The following NBEA variants were observed in gnomAD, a reference collection of about 807,000 sequenced individuals.
The protein encoded by NBEA is lysosomal-trafficking regulator 2.
In NBEA, 44 loss-of-function variants were observed where a neutral mutation model predicts 343.4. That is an observed-to-expected ratio of 0.13 (90% CI 0.10 to 0.16). NBEA has a LOEUF of 0.16. NBEA is among the 10% of genes least tolerant of loss of function. NBEA has a pLI of 1.00. For missense variants in NBEA, 2,555 were observed against 3,631.3 expected (o/e 0.70, Z 7.62); for synonymous variants, 1,175 against 1,238.7 (o/e 0.95, Z 1.08).
At chr13:35,402,642 G>A (rs570676574) in intron 38 of NBEA, among the ~76,000 whole-genome samples, 1 of 152,124 alleles carries the variant, frequency 6.6e-6, no homozygotes, top group Non-Finnish European at 1.5e-5. Flanking sequence ...TAAATAGGAA[G>A]TTAATTGTAA....
At chr13:35,570,072 C>T (rs377613693) in intron 45 of NBEA, among the ~76,000 whole-genome samples, 31 of 152,318 alleles carry the variant, frequency 2.0e-4, no homozygotes, top group African/African-American at 3.8e-4. Context: ...CTCGCTCTGT[C>T]GCCCAGGCTG....
intron 48 of NBEA, among the ~76,000 whole-genome samples, chr13:35,626,323 A>G (rs762237386): frequency 2.0e-5 from 3 of 152,206 alleles, no homozygotes; most frequent in Non-Finnish European, 2.9e-5. Flanking sequence ...ATAAAAGAGA[A>G]AAAACACATT....
intron 20 of NBEA, among the ~76,000 whole-genome samples, chr13:35,156,786 A>G (rs1186636196): frequency 6.6e-6 from 1 of 152,164 alleles, no homozygotes; most frequent in Non-Finnish European, 1.5e-5. Context: ...TTAATGTATA[A>G]TGTGTTAAGT....
chr13:35,398,467 C>T (rs2042847239), intron 38 of NBEA, among the ~76,000 whole-genome samples: 1 of 152,062 alleles, frequency 6.6e-6, no homozygotes, highest in South Asian at 2.1e-4. Context: ...AAATGTGTTT[C>T]TTAAATAACA....
At chr13:35,579,297 A>G (rs914848544) in intron 45 of NBEA, among the ~76,000 whole-genome samples, 5 of 152,162 alleles carry the variant, frequency 3.3e-5, no homozygotes, top group African/African-American at 1.2e-4. Context: ...GTTTAAATCA[A>G]TAACTCTGTG....
At chr13:35,480,200 C>G (rs1013869602) in intron 41 of NBEA, among the ~76,000 whole-genome samples, 4 of 151,984 alleles carry the variant, frequency 2.6e-5, no homozygotes, top group Non-Finnish European at 5.9e-5. Flanking sequence ...AACTTTGCCT[C>G]AAGTAGTATT....
intron 33 of NBEA, among the ~76,000 whole-genome samples, chr13:35,216,235 C>G (rs946562728): frequency 6.6e-6 from 1 of 151,262 alleles, no homozygotes; most frequent in Non-Finnish European, 1.5e-5. Context: ...TTGCTTTTTT[C>G]TTCCCATATC....
intron 37 of NBEA, among the ~76,000 whole-genome samples, chr13:35,351,575 A>G (rs2040203168): frequency 6.6e-6 from 1 of 151,968 alleles, no homozygotes; most frequent in South Asian, 2.1e-4. Context: ...ATTACATTTT[A>G]AGAATATGGA....
chr13:35,300,805 T>C (rs1170625925), intron 35 of NBEA, among the ~76,000 whole-genome samples: 3 of 152,190 alleles, frequency 2.0e-5, no homozygotes, highest in African/African-American at 4.8e-5. Context: ...ATGGAGAAGA[T>C]GCCCTTTGTT....
rs566346733 is a variant in NBEA at position 35,161,141 on chromosome 13, G to C, written c.3862-609G>C. Among the ~76,000 whole-genome samples the C allele has an allele frequency of 2.6e-5, 4 of 152,264 alleles. No homozygotes were observed. In the South Asian group the frequency reaches 8.3e-4, roughly 32 times the overall value. ...AGATGAGCATATTGAATTAGATACA[G>C]ATGTAAAATAAAGGAAAACATCGTG... On this transcript the variant is annotated intron_variant, in intron 22 of 58. Coordinates refer to ENST00000379939, the MANE Select transcript of NBEA (RefSeq NM_001385012.1).
intron 1 of NBEA, among the ~76,000 whole-genome samples, chr13:34,967,285 T>A (rs1403140856): frequency 6.6e-6 from 1 of 151,838 alleles, no homozygotes. Context: ...TAGATATCTG[T>A]GGTTTTTGTA....
At chr13:35,109,902 T>C (rs1476538187) in intron 12 of NBEA, among the ~76,000 whole-genome samples, 1 of 151,922 alleles carries the variant, frequency 6.6e-6, no homozygotes, top group African/African-American at 2.4e-5. Context: ...TATTGTTTTA[T>C]ATACAAGGAT....
chr13:35,329,978 G>A (rs2038821001), intron 36 of NBEA, among the ~76,000 whole-genome samples: 1 of 151,820 alleles, frequency 6.6e-6, no homozygotes, highest in African/African-American at 2.4e-5. Context: ...ATATTTTACT[G>A]TCATTTACTA....
chr13:35,504,850 A>G (rs564205932), intron 41 of NBEA, among the ~76,000 whole-genome samples: 36 of 152,210 alleles, frequency 2.4e-4, no homozygotes, highest in South Asian at 1.5e-3. Context: ...CTCACCAAAC[A>G]GTCCTCCCCG....
intron 41 of NBEA, among the ~76,000 whole-genome samples, chr13:35,478,041 T>C (rs1487310314): frequency 6.6e-6 from 1 of 152,168 alleles, no homozygotes; most frequent in African/African-American, 2.4e-5. Context: ...ATTAAGAATA[T>C]TTCCCGTCAA....
chr13:35,314,370 T>G (rs1248619582), intron 36 of NBEA, among the ~76,000 whole-genome samples: 1 of 152,130 alleles, frequency 6.6e-6, no homozygotes, highest in Non-Finnish European at 1.5e-5. Flanking sequence ...AGTTCGCAGT[T>G]CAGAGAAGAT....
intron 52 of NBEA, among the ~76,000 whole-genome samples, chr13:35,650,371 A>C (rs1262333456): frequency 6.6e-6 from 1 of 152,220 alleles, no homozygotes; most frequent in Non-Finnish European, 1.5e-5. Context: ...GCAAAAAGAC[A>C]AAATCTAAAT....
chr13:35,264,591 A>G (rs1457279350), intron 34 of NBEA, among the ~76,000 whole-genome samples: 2 of 97,564 alleles, frequency 2.0e-5, no homozygotes, highest in Non-Finnish European at 4.3e-5. Context: ...GGATAGTTCA[A>G]CATACATTAA....
chr13:35,215,930 A>G (rs1466468304), intron 33 of NBEA, among the ~76,000 whole-genome samples: 1 of 151,438 alleles, frequency 6.6e-6, no homozygotes, highest in Non-Finnish European at 1.5e-5. Context: ...TCTTCAATGA[A>G]TTTACCCATC....
Sources: gnomAD v4.1 joint callset for allele counts (sites outside exome capture counted in the v4.1 genomes callset) on GRCh38, gnomAD v4.1.1 for gene constraint, MANE v1.5 for transcripts, NCBI Gene and HGNC (gene_info 2026-07-23, HGNC 2026-07-21) for gene names.